LLGL2: variants seen among roughly 807,000 people sequenced by gnomAD.
LLGL2 encodes the protein LLGL2, scribble cell polarity complex component.
Under a neutral mutation model 123.2 loss-of-function variants are expected in LLGL2, and 81 were observed. The observed-to-expected ratio is 0.66, with a 90% CI of 0.55 to 0.79. The LOEUF (loss-of-function observed/expected upper bound fraction) is 0.79, where lower values mean the gene tolerates loss of function less well. Among genes scored for constraint, LLGL2 ranks in the 30% least tolerant of loss-of-function variants. The pLI is 0.00. For synonymous variants in LLGL2, 577 were observed against 594.1 expected (o/e 0.97, Z 0.42); for missense variants, 1,273 against 1,414.6 (o/e 0.90, Z 1.61).
chr17:75,542,142 T>G (rs9910589), intron 1 of LLGL2, among the ~76,000 whole-genome samples: 110,309 of 151,720 alleles, frequency 0.73, 40,724 homozygotes, highest in Middle Eastern at 0.84. Flanking sequence ...GCTGCCCAGA[T>G]TACATGGGAT....
chr17:75,558,184 G>GGCT lies in LLGL2; in HGVS notation c.206_208dup (p.Leu69dup), dbSNP rs767697295. On this transcript the variant is annotated inframe_insertion, in exon 4 of 26. Coordinates refer to ENST00000392550, the MANE Select transcript of LLGL2 (RefSeq NM_001031803.2). The surrounding 1 kb of genome is among the most constrained non-coding windows in gnomAD (Gnocchi z 4.0). Reference sequence around the variant, plus strand: ...GGAGCCCCAGGCGTGGAGTTCATGGGGCTGCACCAGGAGAACAACGCTGTG... The same window carrying GGCT: ...GGAGCCCCAGGCGTGGAGTTCATGGGGCTGCTGCACCAGGAGAACAACGCTGTG... The GGCT allele has an allele frequency of 1.2e-6, 2 of 1,613,790 alleles. No homozygotes were observed. The highest frequency in any genetic ancestry group is 1.7e-6 in the Non-Finnish European group (2 of 1,179,980).
chr17:75,571,645 C>T (rs2055712808), intron 17 of LLGL2, 22 bp from the exon 18 acceptor site: 2 of 1,582,408 alleles, frequency 1.3e-6, no homozygotes, highest in Middle Eastern at 1.7e-4. Context: ...GGGTCAGACA[C>T]CCAAACATGG....
chr17:75,545,510 C>T (rs913968732), intron 2 of LLGL2, among the ~76,000 whole-genome samples: 2 of 151,866 alleles, frequency 1.3e-5, no homozygotes, highest in South Asian at 4.2e-4. Context: ...TCATCCGGCT[C>T]GGGGAGTGTG....
chr17:75,541,164 C>T (rs1261230866), intron 1 of LLGL2, among the ~76,000 whole-genome samples: 1 of 152,222 alleles, frequency 6.6e-6, no homozygotes, highest in Non-Finnish European at 1.5e-5. Flanking sequence ...GCCCCCAGTT[C>T]TGCCTTGTCA....
chr17:75,542,279 A>G (rs1230421923), intron 1 of LLGL2, among the ~76,000 whole-genome samples: 2 of 152,046 alleles, frequency 1.3e-5, no homozygotes, highest in African/African-American at 4.8e-5. Context: ...ACTTCGGGCC[A>G]GGTGTTCCCT....
intron 2 of LLGL2, among the ~76,000 whole-genome samples, chr17:75,553,756 A>G (rs2054782148): frequency 6.6e-6 from 1 of 151,542 alleles, no homozygotes; most frequent in South Asian, 2.1e-4. Flanking sequence ...TGAACTAAAA[A>G]CCTTCCTGAA....
At chr17:75,563,270 C>A in intron 7 of LLGL2, 61 bp from the exon 8 acceptor site, 1 of 1,602,728 alleles carries the variant, frequency 6.2e-7, no homozygotes, top group Non-Finnish European at 8.5e-7. Context: ...GGGGTGCAGG[C>A]GATGGGAACG....
At chr17:75,528,358 G>T (rs1340761579) in intron 1 of LLGL2, among the ~76,000 whole-genome samples, 7 of 152,004 alleles carry the variant, frequency 4.6e-5, no homozygotes, top group South Asian at 4.2e-4. Context: ...CTCGTGATCT[G>T]CCCCTCTCAG....
At chr17:75,572,480 G>C (rs896103062) in intron 19 of LLGL2, among the ~76,000 whole-genome samples, 1 of 152,148 alleles carries the variant, frequency 6.6e-6, no homozygotes, top group Non-Finnish European at 1.5e-5. Flanking sequence ...TGGCTAACAC[G>C]GTGAAACCCC....
chr17:75,527,433 G>C (rs978024694), intron 1 of LLGL2, among the ~76,000 whole-genome samples: 4 of 152,076 alleles, frequency 2.6e-5, no homozygotes, highest in African/African-American at 9.7e-5. Context: ...GGGTTTCCGG[G>C]GTCCAGGGTC....
intron 2 of LLGL2, among the ~76,000 whole-genome samples, chr17:75,548,371 G>A (rs145692150): frequency 0.041 from 6,229 of 150,370 alleles, 414 homozygotes; most frequent in African/African-American, 0.14. Flanking sequence ...TCTGCCTCCC[G>A]GGTTCAAGGG....
intron 6 of LLGL2, chr17:75,562,605 G>A (rs1228068115): frequency 4.9e-6 from 1 of 202,062 alleles, no homozygotes; most frequent in African/African-American, 2.3e-5. Context: ...GTCTCACTCT[G>A]TCACCCAGGC....
At position 75,570,297 on chromosome 17, in the gene LLGL2, C is replaced by T. The variant is rs752012484; in HGVS notation, c.1874+42C>T. The T allele has an allele frequency of 2.6e-5, 41 of 1,599,660 alleles. No homozygotes were observed. The Middle Eastern group carries it at 8.3e-4, about 32-fold the overall frequency. On this transcript the variant is annotated intron_variant, in intron 15 of 25. Transcript: ENST00000392550. ...GGGTCCCGGGGCTGGGAGTGGGGCC[C>T]GCGAGGACTCCCAGGACCTAGCAGC... is the stretch of plus-strand genomic sequence containing the variant.
At chr17:75,561,988 A>T (rs1300168134) in intron 6 of LLGL2, among the ~76,000 whole-genome samples, 7 of 152,292 alleles carry the variant, frequency 4.6e-5, no homozygotes, top group African/African-American at 1.4e-4. Context: ...TTCAAATTCT[A>T]ATGTCAGTGA....
chr17:75,548,406 T>C (rs2054524488), intron 2 of LLGL2, among the ~76,000 whole-genome samples: 1 of 150,734 alleles, frequency 6.6e-6, no homozygotes, highest in Non-Finnish European at 1.5e-5. Flanking sequence ...GCCTCCCACA[T>C]AGCTGGGATT....
Position 75,569,262 on chromosome 17 carries a change from C to T in LLGL2, c.1518C>T (p.Gly506=). The change falls in exon 14 of 26, where the codon GGC becomes GGT. Residue 506 remains glycine (G), a synonymous_variant. Transcript: ENST00000392550. ...CCTACAGTGATGACCCCCGGCTGGG[C>T]ATCCAGAAGATCTTCCTCTGCAAGT... ...FDPYSDDPRL[G]IQKIFLCKYS... 1 of 1,613,546 alleles carries T rather than the reference C, an allele frequency of 6.2e-7. No homozygotes were observed. Among genetic ancestry groups the T allele is most frequent in the Non-Finnish European group, 8.5e-7 (1 of 1,179,994 alleles).
chr17:75,574,196 C>T lies in LLGL2; in HGVS notation c.2906-17C>T, dbSNP rs138922188. 343 of 1,520,408 alleles carry T rather than the reference C, an allele frequency of 2.3e-4. 1 individual carries two copies. The African/African-American group carries it at 3.2e-3, about 14-fold the overall frequency. The allele number at this position is 1,520,408 out of a possible 1,614,324, so 94.2% of individuals were successfully genotyped here. On this transcript the variant is annotated splice_polypyrimidine_tract_variant and intron_variant, in intron 22 of 25. Coordinates refer to ENST00000392550, the MANE Select transcript of LLGL2 (RefSeq NM_001031803.2). ...AGGGCCCAGGCGGGGCGCCCTGACC[C>T]GGCCTCTACCTTCCAGAGAAGCAGC...
At chr17:75,526,318 C>T (rs1424212557) in intron 1 of LLGL2, among the ~76,000 whole-genome samples, 1 of 152,188 alleles carries the variant, frequency 6.6e-6, no homozygotes, top group African/African-American at 2.4e-5. Flanking sequence ...TCCTAATCCC[C>T]GGACGCAGGA....
At chr17:75,528,024 A>G (rs1400670481) in intron 1 of LLGL2, among the ~76,000 whole-genome samples, 1 of 152,112 alleles carries the variant, frequency 6.6e-6, no homozygotes, top group African/African-American at 2.4e-5. Flanking sequence ...CCTGGGCTCA[A>G]GTGATCCTCC....
Sources: gnomAD v4.1 joint callset for allele counts (sites outside exome capture counted in the v4.1 genomes callset) on GRCh38, gnomAD v4.1.1 for gene constraint, Gnocchi (gnomAD v3.1) non-coding constraint, MANE v1.5 for transcripts, NCBI Gene and HGNC (gene_info 2026-07-23, HGNC 2026-07-21) for gene names.